Variants in PNLIP observed in about 807,000 individuals in gnomAD.
PNLIP encodes pancreatic lipase, also known as pancreatic triacylglycerol lipase.
In PNLIP, 49 loss-of-function variants were observed where a neutral mutation model predicts 57.1. The ratio of observed to expected loss-of-function variants is 0.86; its 90% CI spans 0.68 to 1.09. PNLIP has a LOEUF of 1.09. PNLIP is among the 50% of genes least tolerant of loss of function. PNLIP has a pLI of 0.00. For missense variants in PNLIP, 503 were observed against 570.2 expected (o/e 0.88, Z 1.20); for synonymous variants, 209 against 200.4 (o/e 1.04, Z -0.36).
Position 116,548,374 on chromosome 10 carries a change from T to C in PNLIP, c.216T>C (p.Asp72=). 6.2e-7 allele frequency: 1 copy of C among 1,614,024 alleles called. No individual in the cohort carries two copies. Among genetic ancestry groups the C allele is most frequent in the Non-Finnish European group, 8.5e-7 (1 of 1,179,956 alleles). The change falls in exon 4 of 13, where the codon GAT becomes GAC. Residue 72 remains aspartate, a synonymous_variant. Transcript: ENST00000369221. ...NPNNFQEVAA[D]SSSISGSNFK... ...TGTCTAAACAGGAAGTTGCCGCAGA[T>C]TCATCAAGCATCAGTGGCTCCAATT...
At chr10:116,549,744 T>G (rs1172631972) in intron 4 of PNLIP, among the ~76,000 whole-genome samples, 1 of 152,198 alleles carries the variant, frequency 6.6e-6, no homozygotes, top group African/African-American at 2.4e-5. Flanking sequence ...GAAAAAAATG[T>G]GATTCTCAGT....
rs750237665 is a variant in PNLIP at position 116,547,319 on chromosome 10, C to T, written c.72C>T (p.Leu24=). 8.7e-6 allele frequency: 14 copies of T among 1,613,926 alleles called. No homozygotes were observed. The highest frequency in any genetic ancestry group is 6.7e-5 in the African/African-American group (5 of 74,890). ...GAAAAGAAGTTTGCTACGAAAGACT[C>T]GGCTGCTTCAGTGATGACTCCCCAT... is the stretch of plus-strand genomic sequence containing the variant. ...VAGKEVCYER[L]GCFSDDSPWS... is the part of the protein sequence containing the mutation. Residue 24 remains leucine (L), a synonymous_variant, in exon 3 of 13, where the codon CTC becomes CTT. Coordinates refer to ENST00000369221, the MANE Select transcript of PNLIP (RefSeq NM_000936.4).
intron 12 of PNLIP, among the ~76,000 whole-genome samples, chr10:116,562,353 A>G (rs1847323672): frequency 6.6e-6 from 1 of 152,230 alleles, no homozygotes; most frequent in Non-Finnish European, 1.5e-5. Context: ...CAAACAAAGT[A>G]CATGAAAACA....
intron 12 of PNLIP, among the ~76,000 whole-genome samples, chr10:116,563,282 TA>T (rs202088874): frequency 7.2e-5 from 11 of 151,802 alleles, no homozygotes; most frequent in South Asian, 2.1e-4. Flanking sequence ...CATCAAAAAT[TA>T]AAAAAAAATC....
In PNLIP at chr10:116,548,402, A is replaced by AAAAC; in HGVS notation, c.248_251dup (p.Arg85LysfsTer2). The AAAAC allele has an allele frequency of 1.9e-6, 3 of 1,614,144 alleles. No individual in the cohort carries two copies. Among genetic ancestry groups the AAAAC allele is most frequent in the Non-Finnish European group, 2.5e-6 (3 of 1,179,958 alleles). ...ATCAAGCATCAGTGGCTCCAATTTC[A>AAAAC]AAACAAATAGAAAAACTCGCTTTAT... On this transcript the variant is annotated frameshift_variant, in exon 4 of 13. Transcript: ENST00000369221. LOFTEE classifies it high-confidence loss of function.
In PNLIP at chr10:116,559,303, A is replaced by G. The variant is rs1847289516; in HGVS notation, c.1060+20A>G. 3.2e-6 allele frequency: 5 copies of G among 1,563,542 alleles called. No homozygotes were observed. The South Asian group carries it at 3.4e-5, about 11-fold the overall frequency. On this transcript the variant is annotated intron_variant, in intron 10 of 12. Coordinates refer to ENST00000369221, the MANE Select transcript of PNLIP (RefSeq NM_000936.4). The stretch of plus-strand genomic sequence containing the variant: ...TTGCACGTAAGTTTCTGTTTTCTGT[A>G]TCTTATATTCTTATTGCTATATATT...
At position 116,567,747 on chromosome 10, in the gene PNLIP, T is replaced by C. The variant is rs1285923570; in HGVS notation, c.1347T>C (p.Cys449=). 2 of 1,613,860 alleles carry C rather than the reference T, an allele frequency of 1.2e-6. No homozygotes were observed. Among genetic ancestry groups the C allele is most frequent in the African/African-American group, 1.3e-5 (1 of 75,060 alleles). The change falls in exon 13 of 13, where the codon TGT becomes TGC. Residue 449 remains cysteine, a synonymous_variant. Coordinates refer to ENST00000369221, the MANE Select transcript of PNLIP (RefSeq NM_000936.4). ...ETNVGKQFNF[C]SPETVREEVL... ...TTTTTCTCCACAGGTTCAACTTCTG[T>C]AGTCCAGAAACCGTCAGGGAGGAAG...
chr10:116,550,151 C>G (rs964278865), intron 4 of PNLIP, among the ~76,000 whole-genome samples: 2 of 150,208 alleles, frequency 1.3e-5, no homozygotes, highest in African/African-American at 4.9e-5. Context: ...CTCCGCCTCC[C>G]GGGTTCACGC....
intron 4 of PNLIP, 134 bp downstream of exon 4, chr10:116,548,616 G>A (rs1847156231): frequency 1.0e-6 from 1 of 971,262 alleles, no homozygotes; most frequent in Non-Finnish European, 1.5e-6. Context: ...TGGGCCTGGA[G>A]TTCCTAGGGG....
At chr10:116,567,620 A>G in intron 12 of PNLIP, 115 bp from the exon 13 acceptor site, 1 of 793,440 alleles carries the variant, frequency 1.3e-6, no homozygotes, top group African/African-American at 1.7e-5. Context: ...GGTCTCCAGC[A>G]CAGGGTGCGC....
intron 11 of PNLIP, among the ~76,000 whole-genome samples, chr10:116,560,827 C>T (rs1847307912): frequency 6.6e-6 from 1 of 152,084 alleles, no homozygotes; most frequent in Non-Finnish European, 1.5e-5. Context: ...ACCTACCCAC[C>T]TAGGCCTCCC....
chr10:116,559,080 G>T (rs1294728985), intron 9 of PNLIP, 74 bp from the exon 10 acceptor site: 1 of 1,540,542 alleles, frequency 6.5e-7, no homozygotes, highest in South Asian at 1.3e-5. Context: ...TTTGAATGGC[G>T]ACAACATGTA....
chr10:116,566,898 A>T (rs1847372738), intron 12 of PNLIP, among the ~76,000 whole-genome samples: 1 of 152,188 alleles, frequency 6.6e-6, no homozygotes. Context: ...GGTAGTTTAC[A>T]TATGGTAAGG....
At chr10:116,559,606 G>A (rs1201777372) in intron 10 of PNLIP, among the ~76,000 whole-genome samples, 1 of 152,088 alleles carries the variant, frequency 6.6e-6, no homozygotes, top group African/African-American at 2.4e-5. Flanking sequence ...TTTTGTAAAA[G>A]CAGAAAAGTA....
intron 5 of PNLIP, among the ~76,000 whole-genome samples, chr10:116,553,158 C>G (rs572861420): frequency 6.6e-6 from 1 of 152,110 alleles, no homozygotes; most frequent in Admixed American, 6.6e-5. Flanking sequence ...CAGGCTAGAG[C>G]GCAATGGCGC....
At chr10:116,553,650 T>C in intron 5 of PNLIP, 77 bp from the exon 6 acceptor site, 3 of 813,188 alleles carry the variant, frequency 3.7e-6, no homozygotes, top group Non-Finnish European at 6.3e-6. Context: ...ATGATGCATT[T>C]CTTGTAACGT....
chr10:116,557,651 T>TG (rs747563978), intron 9 of PNLIP, among the ~76,000 whole-genome samples: 2 of 152,136 alleles, frequency 1.3e-5, no homozygotes, highest in Non-Finnish European at 2.9e-5. Context: ...ATGCCAACCC[T>TG]GGGACTGTGA....
At position 116,548,469 on chromosome 10, in the gene PNLIP, C is replaced by A; in HGVS notation, c.311C>A (p.Ala104Asp). The change falls in exon 4 of 13, where the codon GCC becomes GAC. Residue 104 changes from alanine to aspartate, a missense_variant. Physicochemically the swap from Ala to Asp is moderately radical, Grantham distance 126. Coordinates refer to ENST00000369221, the MANE Select transcript of PNLIP (RefSeq NM_000936.4). ...GACAAGGGAGAAGAAAACTGGCTGG[C>A]CAATGTGTGCAAGGTGAGATGTGGT... The part of the protein sequence containing the change: ...FIDKGEENWL[A>D]NVCKNLFKVE... 1.9e-6 allele frequency: 3 copies of A among 1,613,712 alleles called. No homozygotes were observed. The highest frequency in any genetic ancestry group is 2.5e-6 in the Non-Finnish European group (3 of 1,179,784).
At chr10:116,553,198 C>T (rs193238663) in intron 5 of PNLIP, among the ~76,000 whole-genome samples, 4 of 152,290 alleles carry the variant, frequency 2.6e-5, no homozygotes, top group Non-Finnish European at 5.9e-5. Flanking sequence ...TTCCGTCTCC[C>T]GGGTTCAAGT....
Sources: allele counts gnomAD v4.1 joint callset (sites outside exome capture counted in the v4.1 genomes callset), GRCh38; gene constraint gnomAD v4.1.1; transcripts MANE v1.5; gene names NCBI Gene and HGNC (gene_info 2026-07-23, HGNC 2026-07-21).